PLA2G7: variants seen among roughly 807,000 people sequenced by gnomAD.
PLA2G7 encodes platelet-activating factor acetylhydrolase.
A neutral mutation model predicts 49.6 loss-of-function variants in PLA2G7; 63 were observed. The ratio of observed to expected loss-of-function variants is 1.27; its 90% CI spans 1.04 to 1.57. PLA2G7 has a LOEUF of 1.57. Among genes scored for constraint, PLA2G7 ranks in the 40% most tolerant of loss-of-function variants. The pLI is 0.00. For missense variants in PLA2G7, 596 were observed against 521.2 expected, an observed-to-expected ratio of 1.14 and a Z score of -1.40; for synonymous variants, 193 against 169.9, an observed-to-expected ratio of 1.14 and a Z score of -1.06.
chr6:46,721,633 G>T (rs1443370479), intron 2 of PLA2G7, among the ~76,000 whole-genome samples: 1 of 149,778 alleles, frequency 6.7e-6, no homozygotes, highest in African/African-American at 2.5e-5. Flanking sequence ...ATGTCATCTA[G>T]GATGCAGGAC....
chr6:46,709,309 ACTAT>A lies in PLA2G7; in HGVS notation c.869+14_869+17del, dbSNP rs758318537. ...CAATAATTTACTATTCTCTTGCTTT[ACTAT>A]CTTATTTTCTTACCTGAATCTCTGA... is the stretch of plus-strand genomic sequence containing the variant. On this transcript the variant is annotated intron_variant, in intron 9 of 11. Transcript: ENST00000274793. 4.5e-6 allele frequency: 6 copies of A among 1,342,476 alleles called. No individual in the cohort carries two copies. The South Asian group carries it at 7.0e-5, about 16-fold the overall frequency. 83.2% of individuals were successfully genotyped at this position (1,342,476 alleles called of 1,614,324 possible).
intron 3 of PLA2G7, 79 bp from the exon 4 acceptor site, chr6:46,716,607 T>A: frequency 7.0e-7 from 1 of 1,427,062 alleles, no homozygotes; most frequent in Non-Finnish European, 9.8e-7. Context: ...CATATTTAAT[T>A]AGTGGGGACT....
chr6:46,713,357 A>G (rs556985348), intron 5 of PLA2G7, among the ~76,000 whole-genome samples: 5 of 152,188 alleles, frequency 3.3e-5, no homozygotes, highest in Non-Finnish European at 7.3e-5. Flanking sequence ...GAGAGTAAAT[A>G]TTTCCAGGTT....
At chr6:46,714,814 C>A (rs1036829415) in intron 4 of PLA2G7, among the ~76,000 whole-genome samples, 8 of 149,370 alleles carry the variant, frequency 5.4e-5, no homozygotes, top group African/African-American at 1.5e-4. Flanking sequence ...CGGCTCACTG[C>A]AAACTCTGCC....
At chr6:46,712,211 A>G (rs1765052557) in intron 6 of PLA2G7, 58 bp downstream of exon 6, 2 of 1,032,048 alleles carry the variant, frequency 1.9e-6, no homozygotes, top group East Asian at 4.7e-5. Flanking sequence ...AAACATAGTT[A>G]TGAGCATTGA....
intron 1 of PLA2G7, among the ~76,000 whole-genome samples, chr6:46,727,983 C>T (rs1203535928): frequency 1.1e-4 from 16 of 152,094 alleles, no homozygotes; most frequent in Admixed American, 1.0e-3. Context: ...CTTTAAGTGA[C>T]TAAATTTGTA....
At position 46,717,033 on chromosome 6, in the gene PLA2G7, C is replaced by T. The variant is rs201369933; in HGVS notation, c.173G>A (p.Arg58Gln). Reference sequence around the variant, plus strand: ...ACCAACGGAATAAGGCCCATTTCCCCGGGGGATTTTAGTTTGGCCAAAGCT... The same window carrying T: ...ACCAACGGAATAAGGCCCATTTCCCTGGGGGATTTTAGTTTGGCCAAAGCT... ...AASFGQTKIP[R>Q]GNGPYSVGCT... The change falls in exon 3 of 12, where the codon CGG (arginine) becomes CAG (glutamine). Residue 58 changes from arginine (R) to glutamine (Q), a missense_variant. By Grantham distance (43) the Arg-to-Gln change is conservative (BLOSUM62 1). Transcript: ENST00000274793. The T allele has an allele frequency of 1.6e-4, 253 of 1,613,606 alleles. 2 individuals are homozygous for T. Among genetic ancestry groups the T allele is most frequent in the South Asian group, 1.4e-3 (127 of 91,068 alleles).
Position 46,704,476 on chromosome 6 carries a change from TCTCA to T in PLA2G7, c.*80_*83del, listed in dbSNP as rs879157629. ...CTCTCTCTCTCTCTCTCTCTCTCTC[TCTCA>T]CACACACACACACACACACACACAC... On this transcript the variant is annotated 3_prime_UTR_variant, in exon 12 of 12. Transcript: ENST00000274793. 3.4e-4 allele frequency: 18 copies of T among 52,238 alleles called. No homozygotes were observed. Among genetic ancestry groups the T allele is most frequent in the Middle Eastern group, 6.3e-3 (1 of 160 alleles). The allele number at this position is 52,238 out of a possible 1,614,324, so 3.2% of individuals were successfully genotyped here. A position where few individuals can be genotyped will look rare whatever the true frequency, so the allele number is the denominator to read the frequency against.
rs1562065628 is a variant in PLA2G7 at position 46,704,715 on chromosome 6, T to C, written c.1190-19A>G. On this transcript the variant is annotated intron_variant, in intron 11 of 11. Transcript: ENST00000274793. Reference sequence around the variant, plus strand: ...TGAAGTCCTATAAAATATAAAGTGTTAATCAACATATTAAACTTTTGAGAG... The same window carrying C: ...TGAAGTCCTATAAAATATAAAGTGTCAATCAACATATTAAACTTTTGAGAG... 1.4e-6 allele frequency: 2 copies of C among 1,476,442 alleles called. No homozygotes were observed. The highest frequency in any genetic ancestry group is 1.9e-6 in the Non-Finnish European group (2 of 1,053,970). The allele number at this position is 1,476,442 out of a possible 1,614,324, so 91.5% of individuals were successfully genotyped here.
At chr6:46,725,383 C>A (rs1480106312) in intron 1 of PLA2G7, among the ~76,000 whole-genome samples, 7 of 151,962 alleles carry the variant, frequency 4.6e-5, no homozygotes, top group Non-Finnish European at 7.4e-5. Flanking sequence ...AGGTGCCCAC[C>A]TCCATGCCCG....
chr6:46,719,497 AC>A (rs1228893412), intron 2 of PLA2G7, among the ~76,000 whole-genome samples: 7 of 152,186 alleles, frequency 4.6e-5, no homozygotes, highest in Non-Finnish European at 1.0e-4. Context: ...GTTCCAGACC[AC>A]CTGCCTGACA....
At chr6:46,707,195 G>C (rs1764857267) in intron 10 of PLA2G7, among the ~76,000 whole-genome samples, 1 of 152,090 alleles carries the variant, frequency 6.6e-6, no homozygotes, top group Non-Finnish European at 1.5e-5. Context: ...TTCTCAACAG[G>C]TTAGTATATT....
chr6:46,733,734 G>C (rs1287391225), intron 1 of PLA2G7, among the ~76,000 whole-genome samples: 1 of 152,202 alleles, frequency 6.6e-6, no homozygotes, highest in East Asian at 1.9e-4. Context: ...CTCGTGACCA[G>C]AAGGCCATCT....
At chr6:46,710,724 G>C in intron 7 of PLA2G7, 66 bp from the exon 8 acceptor site, 1 of 1,250,722 alleles carries the variant, frequency 8.0e-7, no homozygotes, top group South Asian at 1.2e-5. Context: ...TTAAAGTTTA[G>C]GTAGAAGCTG....
intron 1 of PLA2G7, among the ~76,000 whole-genome samples, chr6:46,729,146 G>A (rs959046255): frequency 6.6e-6 from 1 of 152,122 alleles, no homozygotes; most frequent in African/African-American, 2.4e-5. Context: ...GGGGCACACC[G>A]GAAATGGGAT....
chr6:46,728,204 T>G (rs1400587289), intron 1 of PLA2G7, among the ~76,000 whole-genome samples: 1 of 152,210 alleles, frequency 6.6e-6, no homozygotes, highest in Non-Finnish European at 1.5e-5. Context: ...GGCTGGAGAA[T>G]GCAGCTAGAA....
At chr6:46,723,124 T>G (rs1480132464) in intron 1 of PLA2G7, among the ~76,000 whole-genome samples, 199 bp from the exon 2 acceptor site, 1 of 152,200 alleles carries the variant, frequency 6.6e-6, no homozygotes, top group Non-Finnish European at 1.5e-5. Flanking sequence ...TTACTAAGGA[T>G]TACATTGGAT....
chr6:46,734,858 G>A (rs900957208), intron 1 of PLA2G7, among the ~76,000 whole-genome samples: 13 of 151,942 alleles, frequency 8.6e-5, no homozygotes, highest in African/African-American at 2.9e-4. Context: ...AAGAGAGAGA[G>A]AGAGAAAAAA....
At chr6:46,719,941 G>A (rs1205391827) in intron 2 of PLA2G7, among the ~76,000 whole-genome samples, 5 of 152,186 alleles carry the variant, frequency 3.3e-5, no homozygotes, top group African/African-American at 9.6e-5. Context: ...TTACCTGCAA[G>A]GTGAACTTTC....
Sources: gnomAD v4.1 joint callset for allele counts (sites outside exome capture counted in the v4.1 genomes callset) on GRCh38, gnomAD v4.1.1 for gene constraint, MANE v1.5 for transcripts, NCBI Gene and HGNC (gene_info 2026-07-23, HGNC 2026-07-21) for gene names.